The following CHLSN variants were observed in gnomAD, a reference collection of about 807,000 sequenced individuals.
CHLSN encodes protein cholesin.
At chr7:1,037,654 T>C in the CHLSN span, among the ~76,000 whole-genome samples, 1 of 136,996 alleles carries the variant, frequency 7.3e-6, no homozygotes. Context: ...TTGCAGCCTC[T>C]GCCCGGCCGC....
At chr7:1,099,063 T>C in the CHLSN span, among the ~76,000 whole-genome samples, 5 of 152,046 alleles carry the variant, frequency 3.3e-5, no homozygotes, top group Non-Finnish European at 7.4e-5. Context: ...GCCTTCCTTT[T>C]CAGAGCCTCA....
chr7:1,117,305 A>G, the CHLSN span, among the ~76,000 whole-genome samples: 1,579 of 20,346 alleles, frequency 0.078, 387 homozygotes, highest in African/African-American at 0.14. Flanking sequence ...TGACATCACT[A>G]CAGCTCTACA....
the CHLSN span, among the ~76,000 whole-genome samples, chr7:1,070,778 C>T: frequency 8.0e-5 from 12 of 149,416 alleles, no homozygotes; most frequent in African/African-American, 2.8e-4. Flanking sequence ...TGCACACGCA[C>T]GCACACGGAC....
At chr7:1,020,936 G>A in the CHLSN span, among the ~76,000 whole-genome samples, 1 of 152,204 alleles carries the variant, frequency 6.6e-6, no homozygotes, top group East Asian at 1.9e-4. Flanking sequence ...CCACCAGGTG[G>A]AGCCTTCAGA....
chr7:988,437 CGGGGTGGGGCGGCACCTCCAGGGCTCCA>C, the CHLSN span: 4 of 1,611,698 alleles, frequency 2.5e-6, no homozygotes, highest in Non-Finnish European at 3.4e-6. Flanking sequence ...CCCTCGGGGC[CGGGGTGGGGCGGCACCTCCAGGGCTCCA>C]GGGGTGGGAC....
the CHLSN span, among the ~76,000 whole-genome samples, chr7:1,034,925 C>T: frequency 4.6e-5 from 7 of 152,318 alleles, no homozygotes; most frequent in South Asian, 1.5e-3. Context: ...CCTTACTTTG[C>T]TAAGGATAAT....
the CHLSN span, among the ~76,000 whole-genome samples, chr7:1,042,467 C>T: frequency 2.1e-4 from 32 of 152,312 alleles, no homozygotes; most frequent in Middle Eastern, 6.8e-3. Context: ...CCCTTGGATA[C>T]GCAGCTGCAG....
chr7:979,067 G>T, the CHLSN span, among the ~76,000 whole-genome samples: 1 of 152,252 alleles, frequency 6.6e-6, no homozygotes, highest in African/African-American at 2.4e-5. Flanking sequence ...GTGTCCTGGG[G>T]AACCAAGAGG....
chr7:1,023,652 CA>C, the CHLSN span, among the ~76,000 whole-genome samples: 16 of 149,354 alleles, frequency 1.1e-4, no homozygotes, highest in Non-Finnish European at 1.7e-4. The surrounding 1 kb of genome is among the most constrained non-coding windows in gnomAD (Gnocchi z 5.0). Flanking sequence ...CACACACACA[CA>C]CACACACACA....
chr7:993,333 G>A, the CHLSN span, among the ~76,000 whole-genome samples: 3 of 152,300 alleles, frequency 2.0e-5, no homozygotes, highest in Non-Finnish European at 4.4e-5. Context: ...GGACTGGACG[G>A]ACGGCAGGTG....
chr7:1,104,766 C>T, the CHLSN span, among the ~76,000 whole-genome samples: 122 of 152,348 alleles, frequency 8.0e-4, no homozygotes, highest in African/African-American at 2.7e-3. Flanking sequence ...CATACCACTA[C>T]AAAAATAATT....
At chr7:1,018,356 G>A in the CHLSN span, among the ~76,000 whole-genome samples, 2 of 152,380 alleles carry the variant, frequency 1.3e-5, no homozygotes, top group African/African-American at 4.8e-5. Context: ...CATTGTACAC[G>A]TGGAGCCATC....
the CHLSN span, among the ~76,000 whole-genome samples, chr7:1,096,226 G>A: frequency 6.6e-6 from 1 of 152,226 alleles, no homozygotes; most frequent in African/African-American, 2.4e-5. The surrounding 1 kb of genome is among the most constrained non-coding windows in gnomAD (Gnocchi z 4.6). Context: ...CAAGGCTCTG[G>A]GCAGACAGAG....
At chr7:987,636 C>T in the CHLSN span, 659 of 1,137,674 alleles carry the variant, frequency 5.8e-4, 4 homozygotes, top group African/African-American at 9.1e-3. Flanking sequence ...CCTGATGGCC[C>T]AGCGCTCCCC....
At chr7:1,008,644 A>G in the CHLSN span, among the ~76,000 whole-genome samples, 2 of 151,856 alleles carry the variant, frequency 1.3e-5, no homozygotes, top group African/African-American at 4.8e-5. Flanking sequence ...CCCCATCCCC[A>G]TTTCCTGAGC....
the CHLSN span, among the ~76,000 whole-genome samples, chr7:1,017,000 G>GCC: frequency 2.4e-5 from 3 of 125,372 alleles, no homozygotes; most frequent in African/African-American, 8.6e-5. Flanking sequence ...CAGCGCACAG[G>GCC]AGCACACAGC....
chr7:1,042,507 C>A, the CHLSN span, among the ~76,000 whole-genome samples: 1 of 152,186 alleles, frequency 6.6e-6, no homozygotes, highest in South Asian at 2.1e-4. Flanking sequence ...CCTCCAGCTA[C>A]GAGTACTTAT....
the CHLSN span, chr7:1,028,242 G>T: frequency 1.6e-5 from 17 of 1,092,342 alleles, no homozygotes; most frequent in Non-Finnish European, 1.9e-5. Flanking sequence ...TGCGGGCCCT[G>T]GCCCCGCGCA....
At chr7:1,136,277 AAT>A in the CHLSN span, among the ~76,000 whole-genome samples, 25 of 113,912 alleles carry the variant, frequency 2.2e-4, no homozygotes, top group African/African-American at 8.4e-4. Context: ...AAATATATAA[AAT>A]ATATATAAAT....
Sources: allele counts gnomAD v4.1 joint callset (sites outside exome capture counted in the v4.1 genomes callset), GRCh38; gene constraint gnomAD v4.1.1; non-coding constraint Gnocchi (gnomAD v3.1); transcripts MANE v1.5; gene names NCBI Gene and HGNC (gene_info 2026-07-23, HGNC 2026-07-21).